Variants in TAOK3 observed in about 807,000 individuals in gnomAD.
TAOK3 encodes TAO kinase 3.
Under a neutral mutation model 120.4 loss-of-function variants are expected in TAOK3, and 40 were observed. The ratio of observed to expected loss-of-function variants is 0.33; its 90% CI spans 0.26 to 0.43. The LOEUF (loss-of-function observed/expected upper bound fraction) is 0.43. Ranked by LOEUF, TAOK3 falls within the 20% of genes least tolerant of loss-of-function variation. TAOK3 has a pLI of 1.00. For missense variants in TAOK3, 821 were observed against 1,112.1 expected, an observed-to-expected ratio of 0.74 and a Z score of 3.72; for synonymous variants, 355 against 387.5, an observed-to-expected ratio of 0.92 and a Z score of 0.99.
intron 1 of TAOK3, among the ~76,000 whole-genome samples, chr12:118,348,845 CTTTTT>C (rs756607862): frequency 1.6e-5 from 2 of 127,810 alleles, no homozygotes; most frequent in Non-Finnish European, 3.4e-5. Flanking sequence ...AAAATAATTT[CTTTTT>C]TTTTTTTTTT....
At chr12:118,331,043 T>C (rs1329046826) in intron 1 of TAOK3, among the ~76,000 whole-genome samples, 1 of 152,176 alleles carries the variant, frequency 6.6e-6, no homozygotes, top group East Asian at 1.9e-4. Flanking sequence ...GCAGTCTCGT[T>C]TTATATTAGA....
At chr12:118,182,752 C>T (rs1453844267) in intron 14 of TAOK3, among the ~76,000 whole-genome samples, 2 of 150,508 alleles carry the variant, frequency 1.3e-5, no homozygotes, top group African/African-American at 4.9e-5. Flanking sequence ...TAAATCATGT[C>T]TCCCCCATCC....
intron 11 of TAOK3, among the ~76,000 whole-genome samples, chr12:118,205,498 G>A (rs1452173541): frequency 6.6e-6 from 1 of 152,046 alleles, no homozygotes; most frequent in African/African-American, 2.4e-5. Flanking sequence ...ATTTTTTTCT[G>A]CCAGGGGTGT....
intron 1 of TAOK3, among the ~76,000 whole-genome samples, chr12:118,310,278 A>G (rs2043215275): frequency 6.6e-6 from 1 of 152,232 alleles, no homozygotes; most frequent in Non-Finnish European, 1.5e-5. Context: ...GTGAGATTAC[A>G]GAGTGAGACT....
rs940742012 is a variant in TAOK3 at position 118,319,795 on chromosome 12, C to A, written c.-194+52853G>T. Among the ~76,000 whole-genome samples the A allele has an allele frequency of 2.0e-5, 3 of 152,064 alleles. No individual in the cohort carries two copies. In the South Asian group the frequency reaches 6.2e-4, roughly 32 times the overall value. ...TCTATGGAAAACAGTTGAACAGCTC[C>A]TCAAAAAGTTATACATAGAATTACC... is the stretch of plus-strand genomic sequence containing the variant. On this transcript the variant is annotated intron_variant, in intron 1 of 20. Coordinates refer to ENST00000392533, the MANE Select transcript of TAOK3 (RefSeq NM_016281.4).
intron 3 of TAOK3, among the ~76,000 whole-genome samples, chr12:118,247,524 T>C (rs554454084): frequency 6.6e-6 from 1 of 152,192 alleles, no homozygotes; most frequent in South Asian, 2.1e-4. Flanking sequence ...CATACTTTTT[T>C]CTTTTTTTAA....
intron 9 of TAOK3, among the ~76,000 whole-genome samples, chr12:118,220,553 T>A (rs564971310): frequency 1.6e-4 from 23 of 146,750 alleles, no homozygotes; most frequent in African/African-American, 5.6e-4. Context: ...AAAAAAACAA[T>A]CCCAGCTTCT....
At chr12:118,162,356 C>T (rs953163132) in intron 17 of TAOK3, among the ~76,000 whole-genome samples, 1 of 152,156 alleles carries the variant, frequency 6.6e-6, no homozygotes, top group African/African-American at 2.4e-5. Flanking sequence ...CATAGGTCTA[C>T]ATAAATGTTT....
In TAOK3 at chr12:118,182,597, G is replaced by GTATATATATATA. The variant is rs1291003929; in HGVS notation, c.1330-991_1330-990insTATATATATATA. ...TTTGTATATGTGTGTGTGTGTGTGT[G>GTATATATATATA]TGTATATATATATATATATATATAT... On this transcript the variant is annotated intron_variant, in intron 14 of 20. Transcript: ENST00000392533. Among the ~76,000 whole-genome samples the GTATATATATATA allele has an allele frequency of 1.7e-3, 128 of 77,436 alleles. 1 individual carries two copies. The highest frequency in any genetic ancestry group is 5.6e-3 in the African/African-American group (122 of 21,660). The allele number at this position is 77,436 out of a possible 152,430, so 50.8% of individuals were successfully genotyped here. A position where few individuals can be genotyped will look rare whatever the true frequency, so the allele number is the denominator to read the frequency against.
chr12:118,218,438 G>A (rs1330453269), intron 9 of TAOK3, among the ~76,000 whole-genome samples: 3 of 151,948 alleles, frequency 2.0e-5, no homozygotes, highest in East Asian at 3.9e-4. Context: ...ATATAAAATG[G>A]CATAGTATTT....
At chr12:118,218,579 A>G (rs1298284844) in intron 9 of TAOK3, among the ~76,000 whole-genome samples, 1 of 152,212 alleles carries the variant, frequency 6.6e-6, no homozygotes, top group Non-Finnish European at 1.5e-5. Flanking sequence ...GAGAAGAAAA[A>G]AAGTCTATAC....
chr12:118,244,520 C>CTT (rs1566003962), intron 4 of TAOK3, among the ~76,000 whole-genome samples: 2 of 111,272 alleles, frequency 1.8e-5, no homozygotes, highest in Non-Finnish European at 2.0e-5. Flanking sequence ...TTGTTAATTT[C>CTT]TTTTTTCTTT....
rs148392565 is a variant in TAOK3, at chr12:118,257,402, ATTAG to A, written c.-88-1751_-88-1748del. 8.5e-3 allele frequency among the ~76,000 whole-genome samples: 1,291 copies of A among 152,326 alleles called. 12 individuals carry two copies. The highest frequency in any genetic ancestry group is 0.029 in the African/African-American group (1,191 of 41,580). On this transcript the variant is annotated intron_variant, in intron 2 of 20. Transcript: ENST00000392533. The stretch of plus-strand genomic sequence containing the variant: ...TGACATGCTCATATATTGATCTGCC[ATTAG>A]TTACATAAATTTATTTGATGTAGAT...
intron 1 of TAOK3, among the ~76,000 whole-genome samples, chr12:118,286,385 A>C (rs1246858648): frequency 1.3e-5 from 2 of 152,206 alleles, no homozygotes; most frequent in East Asian, 1.9e-4. Context: ...CAAGAAAAAA[A>C]CAAACAATTC....
intron 1 of TAOK3, among the ~76,000 whole-genome samples, chr12:118,344,060 A>G (rs115705959): frequency 0.014 from 2,113 of 151,726 alleles, 50 homozygotes; most frequent in African/African-American, 0.048. Flanking sequence ...CTACAAGATT[A>G]AGAAAAGAAA....
At chr12:118,340,156 C>G (rs80000116) in intron 1 of TAOK3, among the ~76,000 whole-genome samples, 3,407 of 152,232 alleles carry the variant, frequency 0.022, 127 homozygotes, top group African/African-American at 0.076. Flanking sequence ...TGACTAAGTA[C>G]TTTCCACATA....
At chr12:118,175,894 A>G (rs11835101) in intron 16 of TAOK3, among the ~76,000 whole-genome samples, 2,453 of 152,312 alleles carry the variant, frequency 0.016, 68 homozygotes, top group African/African-American at 0.056. Flanking sequence ...GTCTTCAACC[A>G]AATATTCCAG....
At chr12:118,288,041 C>T (rs889151549) in intron 1 of TAOK3, among the ~76,000 whole-genome samples, 1 of 151,136 alleles carries the variant, frequency 6.6e-6, no homozygotes, top group Non-Finnish European at 1.5e-5. Context: ...ATCTAGTGTG[C>T]AATTTTTCTA....
At chr12:118,255,017 C>A (rs548979981) in intron 3 of TAOK3, among the ~76,000 whole-genome samples, 1 of 152,190 alleles carries the variant, frequency 6.6e-6, no homozygotes, top group Non-Finnish European at 1.5e-5. Flanking sequence ...CCGCCTCAGC[C>A]TCCCAGAGTG....
Sources: gnomAD v4.1 joint callset for allele counts (sites outside exome capture counted in the v4.1 genomes callset) on GRCh38, gnomAD v4.1.1 for gene constraint, MANE v1.5 for transcripts, NCBI Gene and HGNC (gene_info 2026-07-23, HGNC 2026-07-21) for gene names.